The following DAW1 variants were observed in gnomAD, a reference collection of about 807,000 sequenced individuals.
The protein encoded by DAW1 is dynein assembly factor with WD repeats 1.
In DAW1, 47 loss-of-function variants were observed where a neutral mutation model predicts 56.5. That is an observed-to-expected ratio of 0.83 (90% CI 0.66 to 1.06). The LOEUF (loss-of-function observed/expected upper bound fraction) is 1.06, where lower values mean the gene tolerates loss of function less well. Among genes scored for constraint, DAW1 ranks in the 50% least tolerant of loss-of-function variants. The pLI, the probability that DAW1 is intolerant of heterozygous loss-of-function variation, is 0.00. For synonymous variants in DAW1, 190 were observed against 179.0 expected, an observed-to-expected ratio of 1.06 and a Z score of -0.49; for missense variants, 505 against 499.3, an observed-to-expected ratio of 1.01 and a Z score of -0.11.
At chr2:227,908,791 A>G (rs1324237641) in intron 10 of DAW1, among the ~76,000 whole-genome samples, 2 of 152,192 alleles carry the variant, frequency 1.3e-5, no homozygotes, top group African/African-American at 2.4e-5. Flanking sequence ...ATGTGATGCT[A>G]TACTAAGTCT....
At chr2:227,920,949 G>A (rs1486011515) in intron 11 of DAW1, among the ~76,000 whole-genome samples, 1 of 152,228 alleles carries the variant, frequency 6.6e-6, no homozygotes, top group African/African-American at 2.4e-5. Flanking sequence ...AAAGTGCTGG[G>A]ATTACGGTCC....
intron 6 of DAW1, among the ~76,000 whole-genome samples, chr2:227,900,245 CAT>C (rs1691507942): frequency 6.6e-6 from 1 of 152,176 alleles, no homozygotes; most frequent in Non-Finnish European, 1.5e-5. Flanking sequence ...CAAAGAAAAA[CAT>C]AATGTGTGTC....
At chr2:227,874,733 C>G (rs957573901) in intron 1 of DAW1, among the ~76,000 whole-genome samples, 4 of 152,054 alleles carry the variant, frequency 2.6e-5, no homozygotes, top group African/African-American at 4.8e-5. Flanking sequence ...GGCTTAAAAA[C>G]TATCCTGAAC....
intron 7 of DAW1, among the ~76,000 whole-genome samples, chr2:227,903,458 A>G (rs1458958367): frequency 6.6e-6 from 1 of 152,204 alleles, no homozygotes; most frequent in Non-Finnish European, 1.5e-5. Flanking sequence ...AATGACTGTG[A>G]GCACACTCTC....
intron 1 of DAW1, among the ~76,000 whole-genome samples, chr2:227,878,006 G>A (rs1690925298): frequency 6.6e-6 from 1 of 152,244 alleles, no homozygotes; most frequent in Non-Finnish European, 1.5e-5. Context: ...TAGTCAGCTT[G>A]AAGACTTCGA....
At chr2:227,922,022 G>A (rs993889934) in intron 12 of DAW1, among the ~76,000 whole-genome samples, 14 of 152,282 alleles carry the variant, frequency 9.2e-5, no homozygotes, top group African/African-American at 2.4e-4. Context: ...GCATGGTGGC[G>A]TACACCTGTA....
At chr2:227,917,778 A>G (rs958975041) in intron 10 of DAW1, among the ~76,000 whole-genome samples, 6 of 152,016 alleles carry the variant, frequency 3.9e-5, no homozygotes, top group Admixed American at 3.3e-4. Context: ...CAAGTTATAT[A>G]TTTTTTAATC....
chr2:227,907,862 A>G (rs909164284), intron 10 of DAW1, among the ~76,000 whole-genome samples: 2 of 152,172 alleles, frequency 1.3e-5, no homozygotes, highest in African/African-American at 2.4e-5. Flanking sequence ...TGATGATTAC[A>G]TATGATGTTA....
chr2:227,918,277 G>A (rs910302177), intron 10 of DAW1, among the ~76,000 whole-genome samples: 1 of 152,096 alleles, frequency 6.6e-6, no homozygotes, highest in African/African-American at 2.4e-5. Flanking sequence ...GGCGCTGGAG[G>A]CAGAGCAGGA....
intron 1 of DAW1, among the ~76,000 whole-genome samples, chr2:227,875,845 C>T (rs186990202): frequency 2.0e-4 from 30 of 152,234 alleles, no homozygotes; most frequent in African/African-American, 6.7e-4. Flanking sequence ...TGCTCCTTAT[C>T]TCTAGCACCC....
intron 10 of DAW1, among the ~76,000 whole-genome samples, chr2:227,909,384 A>G (rs1003912694): frequency 4.0e-5 from 6 of 148,210 alleles, no homozygotes; most frequent in African/African-American, 1.5e-4. Context: ...TATGTATTAC[A>G]CTATATATAC....
rs150766528 is a variant in DAW1, at chr2:227,876,642, C to T, written c.40+4913C>T. 3.7e-4 allele frequency: 170 copies of T among 455,852 alleles called. 2 individuals are homozygous for T. The highest frequency in any genetic ancestry group is 3.0e-3 in the African/African-American group (148 of 48,578). The allele number at this position is 455,852 out of a possible 1,614,324, so 28.2% of individuals were successfully genotyped here. On this transcript the variant is annotated intron_variant, in intron 1 of 12. Coordinates refer to ENST00000309931, the MANE Select transcript of DAW1 (RefSeq NM_178821.3). ...CGCCCTCCCACTTTCTTTTGAATAA[C>T]GTATAGGTCAGGGGCATTGTCTTGC... is the stretch of plus-strand genomic sequence containing the variant.
In DAW1 at chr2:227,889,917, C is replaced by A; in HGVS notation, c.175C>A (p.Arg59=). The part of the protein sequence containing the change: ...QKAEPLLTAS[R]TEQVKLLIQR... ...GGCAGAACCTCTACTCACAGCTTCA[C>A]GAACAGAGCAAGTCAAACTTTTGAT... Residue 59 remains arginine (R), a synonymous_variant, in exon 3 of 13, where the codon CGA becomes AGA. Coordinates refer to ENST00000309931, the MANE Select transcript of DAW1 (RefSeq NM_178821.3). 2 of 1,610,424 alleles carry A rather than the reference C, an allele frequency of 1.2e-6. No homozygotes were observed. The highest frequency in any genetic ancestry group is 1.1e-5 in the South Asian group (1 of 90,346).
chr2:227,910,370 A>G (rs1478724667), intron 10 of DAW1, among the ~76,000 whole-genome samples: 3 of 152,094 alleles, frequency 2.0e-5, no homozygotes, highest in African/African-American at 4.8e-5. Context: ...CTACTCAGTA[A>G]GCTGAGGAAA....
intron 1 of DAW1, among the ~76,000 whole-genome samples, chr2:227,883,526 T>A (rs1317164920): frequency 6.6e-6 from 1 of 152,268 alleles, no homozygotes; most frequent in African/African-American, 2.4e-5. Flanking sequence ...TTTCAGATTC[T>A]ATATTGCAAC....
chr2:227,888,959 T>A (rs934877359), intron 2 of DAW1, among the ~76,000 whole-genome samples: 1 of 152,180 alleles, frequency 6.6e-6, no homozygotes, highest in African/African-American at 2.4e-5. Flanking sequence ...GCTTTAAATT[T>A]ATGGTTAGGC....
Position 227,924,009 on chromosome 2 carries a change from T to C in DAW1, c.*41T>C, listed in dbSNP as rs368442870. 2.0e-5 allele frequency: 32 copies of C among 1,611,796 alleles called. No homozygotes were observed. Among genetic ancestry groups the C allele is most frequent in the Non-Finnish European group, 2.7e-5 (32 of 1,178,380 alleles). On this transcript the variant is annotated 3_prime_UTR_variant, in exon 13 of 13. Coordinates refer to ENST00000309931, the MANE Select transcript of DAW1 (RefSeq NM_178821.3). The stretch of plus-strand genomic sequence containing the variant: ...CAGTGAGCAACCTTGCTAGCAATGG[T>C]AATCAAGAACTGGAACTTCACAGAC...
chr2:227,901,264 G>T (rs749363678), intron 6 of DAW1, among the ~76,000 whole-genome samples: 31 of 152,324 alleles, frequency 2.0e-4, no homozygotes, highest in Non-Finnish European at 3.4e-4. Context: ...TTTTGTGTTT[G>T]CATGATGGGC....
intron 12 of DAW1, among the ~76,000 whole-genome samples, chr2:227,922,549 A>G (rs897877391): frequency 6.6e-6 from 1 of 152,150 alleles, no homozygotes; most frequent in African/African-American, 2.4e-5. Flanking sequence ...AGTGATTCTC[A>G]TCATGTTGAG....
Sources: gnomAD v4.1 joint callset for allele counts (sites outside exome capture counted in the v4.1 genomes callset) on GRCh38, gnomAD v4.1.1 for gene constraint, MANE v1.5 for transcripts, NCBI Gene and HGNC (gene_info 2026-07-23, HGNC 2026-07-21) for gene names.